LRRC36: variants seen among roughly 807,000 people sequenced by gnomAD.
LRRC36 encodes the protein leucine rich repeat containing 36.
LRRC36 carries 62 observed loss-of-function variants against 81.1 expected under a neutral mutation model. That is an observed-to-expected ratio of 0.76 (90% CI 0.62 to 0.94). LRRC36 has a LOEUF of 0.94. Ranked by LOEUF, LRRC36 falls within the 40% of genes least tolerant of loss-of-function variation. The probability of loss-of-function intolerance (pLI) is 0.00; values close to 1 mark genes in which losing one functional copy is unlikely to be tolerated. For synonymous variants in LRRC36, 334 were observed against 348.6 expected, an observed-to-expected ratio of 0.96 and a Z score of 0.47; for missense variants, 761 against 881.7, an observed-to-expected ratio of 0.86 and a Z score of 1.73.
intron 5 of LRRC36, among the ~76,000 whole-genome samples, chr16:67,353,409 C>T (rs2038748724): frequency 6.6e-6 from 1 of 151,946 alleles, no homozygotes; most frequent in African/African-American, 2.4e-5. Flanking sequence ...TTTTTTGAGA[C>T]AGAGTCTCAC....
rs767853561 is a variant in LRRC36, at chr16:67,346,321, G to A, written c.264G>A (p.Val88=). Residue 88 remains valine, a synonymous_variant, in exon 3 of 14, where the codon GTG becomes GTA. Coordinates refer to ENST00000329956, the MANE Select transcript of LRRC36 (RefSeq NM_018296.6). ...ATTATAACAACATTCCTTCATTAGT[G>A]GAAGTGTCCCGTCTACAACCGTTAC... ...NLYYNNIPSL[V]EVSRLQPLPF... is the part of the protein sequence containing the mutation. The A allele has an allele frequency of 2.5e-6, 4 of 1,611,492 alleles. No homozygotes were observed. Among genetic ancestry groups the A allele is most frequent in the Non-Finnish European group, 3.4e-6 (4 of 1,178,242 alleles).
At chr16:67,333,826 G>A (rs1053785941) in intron 1 of LRRC36, among the ~76,000 whole-genome samples, 3 of 151,742 alleles carry the variant, frequency 2.0e-5, no homozygotes, top group African/African-American at 7.3e-5. Context: ...TCTCATATAC[G>A]CTTACCTTCC....
chr16:67,379,609 C>T (rs1014424837), intron 12 of LRRC36, among the ~76,000 whole-genome samples: 9 of 152,018 alleles, frequency 5.9e-5, no homozygotes, highest in Non-Finnish European at 1.0e-4. Context: ...CCCAGCTACT[C>T]GGGAGGCTGA....
intron 1 of LRRC36, among the ~76,000 whole-genome samples, chr16:67,330,657 T>C (rs1292506679): frequency 6.6e-6 from 1 of 151,652 alleles, no homozygotes; most frequent in African/African-American, 2.4e-5. Flanking sequence ...AGGTCAGGAG[T>C]TCAAGACCAG....
intron 1 of LRRC36, among the ~76,000 whole-genome samples, chr16:67,331,148 C>T (rs1370764687): frequency 6.6e-6 from 1 of 151,068 alleles, no homozygotes; most frequent in Non-Finnish European, 1.5e-5. Flanking sequence ...GGATAGCTAA[C>T]TCCCGTGATA....
chr16:67,362,767 T>TTTGTTG (rs111993299), intron 5 of LRRC36, among the ~76,000 whole-genome samples: 36 of 151,216 alleles, frequency 2.4e-4, no homozygotes, highest in African/African-American at 7.6e-4. Context: ...TTTTTTTGTT[T>TTTGTTG]TTGTTGTTGT....
chr16:67,370,298 G>A (rs1198696540), intron 8 of LRRC36, among the ~76,000 whole-genome samples: 2 of 152,106 alleles, frequency 1.3e-5, no homozygotes, highest in Non-Finnish European at 2.9e-5. Flanking sequence ...TTTGAAGAGA[G>A]ATGTGAAATA....
chr16:67,354,675 ACACATG>A (rs765748622), intron 5 of LRRC36, among the ~76,000 whole-genome samples: 22 of 152,354 alleles, frequency 1.4e-4, no homozygotes, highest in South Asian at 4.1e-4. Flanking sequence ...CCCTACCTGC[ACACATG>A]CACAGCCTCC....
At chr16:67,382,811 G>A (rs1011894499) in intron 13 of LRRC36, among the ~76,000 whole-genome samples, 4 of 152,028 alleles carry the variant, frequency 2.6e-5, no homozygotes, top group African/African-American at 7.2e-5. Context: ...GTGAAACTCC[G>A]TCTCTACTAA....
At chr16:67,374,482 C>T (rs906844635) in intron 9 of LRRC36, among the ~76,000 whole-genome samples, 2 of 152,022 alleles carry the variant, frequency 1.3e-5, no homozygotes, top group African/African-American at 4.8e-5. Flanking sequence ...GCAACCTCTG[C>T]CTCCCGAGTT....
chr16:67,334,384 G>A (rs956499636), intron 1 of LRRC36, among the ~76,000 whole-genome samples: 1 of 150,988 alleles, frequency 6.6e-6, no homozygotes, highest in Admixed American at 6.6e-5. Flanking sequence ...GAATGCAGTG[G>A]CACGATCTCG....
At chr16:67,339,118 C>T (rs770782085) in intron 1 of LRRC36, among the ~76,000 whole-genome samples, 31 of 151,290 alleles carry the variant, frequency 2.0e-4, no homozygotes, top group Non-Finnish European at 3.4e-4. Flanking sequence ...TGGTCTCGAA[C>T]TCCTGACCTC....
At chr16:67,366,895 A>T in intron 7 of LRRC36, 122 bp from the exon 8 acceptor site, 1 of 736,978 alleles carries the variant, frequency 1.4e-6, no homozygotes. Context: ...AGAATTATAA[A>T]CCACCTCTTC....
chr16:67,357,275 T>C (rs2038943766), intron 5 of LRRC36, among the ~76,000 whole-genome samples: 1 of 152,204 alleles, frequency 6.6e-6, no homozygotes, highest in South Asian at 2.1e-4. Flanking sequence ...TAAGATTACA[T>C]GGAGTCTGTT....
intron 13 of LRRC36, among the ~76,000 whole-genome samples, chr16:67,383,071 CA>C (rs59297593): frequency 0.047 from 2,092 of 44,412 alleles, 7 homozygotes; most frequent in Non-Finnish European, 0.056. Flanking sequence ...GGCTCCGTCT[CA>C]AAAAAAAAAA....
intron 5 of LRRC36, among the ~76,000 whole-genome samples, chr16:67,355,238 G>T (rs2038841561): frequency 6.6e-6 from 1 of 152,020 alleles, no homozygotes; most frequent in African/African-American, 2.4e-5. Context: ...GCAGGTTTTT[G>T]TGTGGGCATA....
Position 67,338,865 on chromosome 16 carries a change from ATTTTTTTTTTTTTTTTTTTT to A in LRRC36, c.71-3065_71-3046del, listed in dbSNP as rs71145967. 5.7e-3 allele frequency among the ~76,000 whole-genome samples: 258 copies of A among 45,394 alleles called. 3 individuals are homozygous for A. The highest frequency in any genetic ancestry group is 0.015 in the African/African-American group (187 of 12,328). The allele number at this position is 45,394 out of a possible 152,430, so 29.8% of individuals were successfully genotyped here. ...TTTCTAATTTCTGCTTGGAAGCTGA[ATTTTTTTTTTTTTTTTTTTT>A]TTTTTTTTTTTTTTTTTTTTTTTTT... is the stretch of plus-strand genomic sequence containing the variant. On this transcript the variant is annotated intron_variant, in intron 1 of 13. Transcript: ENST00000329956.
intron 1 of LRRC36, among the ~76,000 whole-genome samples, chr16:67,341,227 AAT>A (rs1491150802): frequency 5.7e-5 from 8 of 139,580 alleles, no homozygotes; most frequent in Non-Finnish European, 9.4e-5. Flanking sequence ...TATATAATTT[AAT>A]ATATATAATT....
intron 11 of LRRC36, among the ~76,000 whole-genome samples, chr16:67,377,222 C>T (rs567446937): frequency 1.6e-4 from 24 of 152,336 alleles, no homozygotes; most frequent in African/African-American, 5.3e-4. Context: ...TCTAAGCGAG[C>T]TGAGAGCCCT....
Sources: allele counts gnomAD v4.1 joint callset (sites outside exome capture counted in the v4.1 genomes callset), GRCh38; gene constraint gnomAD v4.1.1; transcripts MANE v1.5; gene names NCBI Gene and HGNC (gene_info 2026-07-23, HGNC 2026-07-21).